Variants in ABCB4 observed in about 807,000 individuals in gnomAD.
The protein encoded by ABCB4 is ATP binding cassette subfamily B member 4, also known as phosphatidylcholine translocator ABCB4.
A neutral mutation model predicts 145.7 loss-of-function variants in ABCB4; 76 were observed. The observed-to-expected ratio is 0.52, with a 90% CI of 0.43 to 0.63. The LOEUF is 0.63. ABCB4 is among the 30% of genes least tolerant of loss of function. ABCB4 has a pLI of 0.00. For missense variants in ABCB4, 1,234 were observed against 1,553.1 expected, an observed-to-expected ratio of 0.79 and a Z score of 3.45; for synonymous variants, 517 against 566.8, an observed-to-expected ratio of 0.91 and a Z score of 1.25.
At chr7:87,420,850 G>A (rs1809363071) in intron 18 of ABCB4, among the ~76,000 whole-genome samples, 2 of 152,272 alleles carry the variant, frequency 1.3e-5, no homozygotes, top group African/African-American at 4.8e-5. Flanking sequence ...CAACATCTCA[G>A]TGACAAAGAT....
chr7:87,420,489 C>T (rs944228272), intron 18 of ABCB4, among the ~76,000 whole-genome samples: 2 of 152,280 alleles, frequency 1.3e-5, no homozygotes, highest in South Asian at 4.1e-4. Context: ...GGGAACTAAG[C>T]TCTGTGAGCT....
Position 87,426,880 on chromosome 7 carries a change from T to C in ABCB4, c.1934A>G (p.Asn645Ser), listed in dbSNP as rs1218922674. 3 of 1,613,856 alleles carry C rather than the reference T, an allele frequency of 1.9e-6. No individual in the cohort carries two copies. The Admixed American group carries it at 5.0e-5, about 27-fold the overall frequency. The change falls in exon 16 of 28, where the codon AAT (asparagine) becomes AGT (serine). Residue 645 changes from asparagine to serine, a missense_variant. Transcript: ENST00000649586. ...SQIQSEEFEL[N>S]DEKAATRMAP... ...CATTCTAGTGGCAGCCTTTTCATCA[T>C]TTAGTTCAAATTCTTCTGACTGGAT...
the ABCB4 span, among the ~76,000 whole-genome samples, chr7:87,370,151 A>G: frequency 6.6e-6 from 1 of 152,270 alleles, no homozygotes; most frequent in Non-Finnish European, 1.5e-5. Flanking sequence ...TAAAATACAC[A>G]TTTAGTACCA....
At chr7:87,376,520 A>G in the ABCB4 span, among the ~76,000 whole-genome samples, 14 of 152,118 alleles carry the variant, frequency 9.2e-5, no homozygotes, top group Non-Finnish European at 1.3e-4. Flanking sequence ...TAGTAATTGT[A>G]TTAGAAATCT....
At chr7:87,438,359 G>T (rs1431371230) in intron 14 of ABCB4, among the ~76,000 whole-genome samples, 1 of 152,102 alleles carries the variant, frequency 6.6e-6, no homozygotes, top group African/African-American at 2.4e-5. Context: ...TTAATATCAT[G>T]ATTTAATATA....
Position 87,443,647 on chromosome 7 carries a change from A to G in ABCB4, c.1230+16T>C. The G allele has an allele frequency of 6.2e-7, 1 of 1,602,516 alleles. No individual in the cohort carries two copies. Among genetic ancestry groups the G allele is most frequent in the Non-Finnish European group, 8.5e-7 (1 of 1,169,628 alleles). ...CAACCTCAGTTAGGAATTCCTATAA[A>G]TATTACTTACAGTACCTTGACGTTA... On this transcript the variant is annotated intron_variant, in intron 11 of 27. Transcript: ENST00000649586.
rs755881772 is a variant in ABCB4 at position 87,413,697 on chromosome 7, T to A, written c.2703A>T (p.Glu901Asp). The A allele has an allele frequency of 1.2e-6, 2 of 1,611,706 alleles. No homozygotes were observed. The highest frequency in any genetic ancestry group is 1.7e-6 in the Non-Finnish European group (2 of 1,178,282). Residue 901 changes from glutamate (E) to aspartate (D), a missense_variant, in exon 22 of 28, where the codon GAA becomes GAT. This residue lies in a region of ABCB4 where 301 missense variants were observed against 389.0 expected (regional missense o/e 0.77). Coordinates refer to ENST00000649586, the MANE Select transcript of ABCB4 (RefSeq NM_000443.4). Reference sequence around the variant, plus strand: ...TCAAAGACACAACTGTCCTAATATTTTCTATTGCCTCTGTTGCAATCTGTA... The same window carrying A: ...TCAAAGACACAACTGTCCTAATATTATCTATTGCCTCTGTTGCAATCTGTA... ...AAGKIATEAI[E>D]NIRTVVSLTQ...
the ABCB4 span, among the ~76,000 whole-genome samples, chr7:87,370,432 C>T: frequency 6.6e-6 from 1 of 152,214 alleles, no homozygotes; most frequent in Non-Finnish European, 1.5e-5. Context: ...ATCCGCCTGC[C>T]TTGGCCTCCC....
At chr7:87,368,751 A>C in the ABCB4 span, among the ~76,000 whole-genome samples, 5 of 152,204 alleles carry the variant, frequency 3.3e-5, no homozygotes, top group East Asian at 9.6e-4. Context: ...AAGGACAAGT[A>C]CCTAAAGATG....
chr7:87,376,338 A>G, the ABCB4 span, among the ~76,000 whole-genome samples: 1 of 152,080 alleles, frequency 6.6e-6, no homozygotes, highest in Admixed American at 6.6e-5. Flanking sequence ...TTGACACCAT[A>G]GTTGGGACTG....
chr7:87,374,380 A>G, the ABCB4 span, among the ~76,000 whole-genome samples: 5 of 152,156 alleles, frequency 3.3e-5, no homozygotes, highest in Middle Eastern at 6.8e-3. Context: ...TGTAAAACGA[A>G]CATGAAAATG....
chr7:87,374,651 T>C, the ABCB4 span, among the ~76,000 whole-genome samples: 1 of 152,184 alleles, frequency 6.6e-6, no homozygotes, highest in South Asian at 2.1e-4. Flanking sequence ...GAAACCCTTA[T>C]TCTGTTCCTC....
chr7:87,399,490 A>G (rs544708697), downstream of ABCB4: 1 of 152,358 alleles, frequency 6.6e-6, no homozygotes, highest in East Asian at 1.9e-4. Flanking sequence ...AGAAAAAAAG[A>G]GAAAAATAAC....
intron 9 of ABCB4, among the ~76,000 whole-genome samples, chr7:87,445,565 A>G (rs941439645): frequency 6.6e-6 from 1 of 152,216 alleles, no homozygotes; most frequent in Non-Finnish European, 1.5e-5. Flanking sequence ...GAATTGATAT[A>G]AAGAAGCTCA....
chr7:87,376,621 G>T, the ABCB4 span, among the ~76,000 whole-genome samples: 2 of 151,002 alleles, frequency 1.3e-5, no homozygotes, highest in Non-Finnish European at 2.9e-5. Context: ...AAACCTTGTA[G>T]CAAGGAGAGA....
chr7:87,452,020 A>G (rs1376987412), intron 6 of ABCB4, among the ~76,000 whole-genome samples: 1 of 152,252 alleles, frequency 6.6e-6, no homozygotes, highest in Non-Finnish European at 1.5e-5. Flanking sequence ...AGTTGATACT[A>G]TTAAATGAGT....
the ABCB4 span, among the ~76,000 whole-genome samples, chr7:87,380,870 G>T: frequency 6.6e-6 from 1 of 152,208 alleles, no homozygotes; most frequent in Non-Finnish European, 1.5e-5. Context: ...ACAGTTGTGA[G>T]ATACTGTTAG....
At chr7:87,407,607 A>C (rs1004950250) in intron 25 of ABCB4, among the ~76,000 whole-genome samples, 3 of 152,230 alleles carry the variant, frequency 2.0e-5, no homozygotes, top group African/African-American at 7.2e-5. Context: ...TTGAGGATCA[A>C]AGTCAAAGTT....
At chr7:87,422,634 T>C (rs1238292849) in intron 17 of ABCB4, among the ~76,000 whole-genome samples, 2 of 152,112 alleles carry the variant, frequency 1.3e-5, no homozygotes, top group East Asian at 3.9e-4. Context: ...ATTTTAGCAT[T>C]TGTTCCTCTT....
Sources: allele counts gnomAD v4.1 joint callset (sites outside exome capture counted in the v4.1 genomes callset), GRCh38; gene constraint gnomAD v4.1.1; regional missense constraint gnomAD v4.1.1; transcripts MANE v1.5; gene names NCBI Gene and HGNC (gene_info 2026-07-23, HGNC 2026-07-21).